The following PLD5 variants were observed in gnomAD, a reference collection of about 807,000 sequenced individuals.
PLD5 encodes the protein inactive phospholipase D5.
In PLD5, 36 loss-of-function variants were observed where a neutral mutation model predicts 61.1. The ratio of observed to expected loss-of-function variants is 0.59; its 90% CI spans 0.45 to 0.78. The LOEUF (loss-of-function observed/expected upper bound fraction) is 0.78. Ranked by LOEUF, PLD5 falls within the 30% of genes least tolerant of loss-of-function variation. The probability of loss-of-function intolerance (pLI) is 0.00; values close to 1 mark genes in which losing one functional copy is unlikely to be tolerated. For missense variants in PLD5, 515 were observed against 644.4 expected, an observed-to-expected ratio of 0.80 and a Z score of 2.17; for synonymous variants, 243 against 242.8, an observed-to-expected ratio of 1.00 and a Z score of -0.01.
At chr1:242,509,246 G>A (rs891672291) in intron 1 of PLD5, among the ~76,000 whole-genome samples, 51 of 151,674 alleles carry the variant, frequency 3.4e-4, no homozygotes, top group African/African-American at 1.2e-3. Flanking sequence ...GGGCGTGATG[G>A]CATGCACCTG....
chr1:242,204,357 T>G (rs919378795), intron 5 of PLD5, among the ~76,000 whole-genome samples: 1 of 152,178 alleles, frequency 6.6e-6, no homozygotes, highest in African/African-American at 2.4e-5. Context: ...AAGGTTTAGA[T>G]GTAGAATAAA....
chr1:242,480,800 G>C (rs995596899), intron 1 of PLD5, among the ~76,000 whole-genome samples: 7 of 152,242 alleles, frequency 4.6e-5, no homozygotes, highest in Non-Finnish European at 7.4e-5. Context: ...ACAATGAGCT[G>C]CAACTACACA....
intron 4 of PLD5, among the ~76,000 whole-genome samples, chr1:242,260,727 A>G (rs1326446688): frequency 6.6e-6 from 1 of 152,262 alleles, no homozygotes; most frequent in Admixed American, 6.5e-5. Context: ...GAACATACAT[A>G]ATGAAAATAA....
chr1:242,474,188 C>G (rs932657105), intron 1 of PLD5, among the ~76,000 whole-genome samples: 26 of 152,250 alleles, frequency 1.7e-4, no homozygotes, highest in African/African-American at 5.8e-4. Flanking sequence ...ATGGCAAAAC[C>G]GCAATTACTT....
chr1:242,248,711 C>A (rs1672530450), intron 4 of PLD5, among the ~76,000 whole-genome samples: 1 of 152,102 alleles, frequency 6.6e-6, no homozygotes, highest in South Asian at 2.1e-4. Flanking sequence ...GCATCAGCCT[C>A]TTCCTTTTAG....
intron 1 of PLD5, among the ~76,000 whole-genome samples, chr1:242,380,548 A>G (rs924711520): frequency 3.3e-5 from 5 of 152,166 alleles, no homozygotes; most frequent in African/African-American, 4.8e-5. Context: ...AAATAAACGC[A>G]CATATCATGC....
At chr1:242,339,984 C>T (rs1373631068) in intron 2 of PLD5, among the ~76,000 whole-genome samples, 1 of 152,150 alleles carries the variant, frequency 6.6e-6, no homozygotes, top group African/African-American at 2.4e-5. Context: ...CTTCTCTCTC[C>T]TCTTAGAGCT....
intron 5 of PLD5, among the ~76,000 whole-genome samples, chr1:242,176,739 A>T (rs1281385368): frequency 6.6e-6 from 1 of 152,238 alleles, no homozygotes; most frequent in African/African-American, 2.4e-5. Context: ...ATTTACAAGA[A>T]GAAAAACCAT....
chr1:242,265,492 T>G, intron 3 of PLD5, 44 bp from the exon 4 acceptor site: 1 of 1,503,234 alleles, frequency 6.7e-7, no homozygotes, highest in Non-Finnish European at 9.1e-7. Flanking sequence ...AAAACCTAAA[T>G]GTTTACCAAT....
intron 6 of PLD5, among the ~76,000 whole-genome samples, chr1:242,120,720 G>C (rs562277892): frequency 6.6e-6 from 1 of 152,236 alleles, no homozygotes; most frequent in African/African-American, 2.4e-5. Flanking sequence ...CCTTGAACTA[G>C]TCTTTTATCT....
chr1:242,283,527 T>C (rs183614841), intron 3 of PLD5, among the ~76,000 whole-genome samples: 2 of 152,336 alleles, frequency 1.3e-5, no homozygotes, highest in African/African-American at 4.8e-5. Flanking sequence ...CATTTGACTA[T>C]TGTCCCCCAA....
At chr1:242,448,065 C>T (rs1050058325) in intron 1 of PLD5, among the ~76,000 whole-genome samples, 1 of 152,084 alleles carries the variant, frequency 6.6e-6, no homozygotes, top group African/African-American at 2.4e-5. Context: ...TTTTACCCAT[C>T]CTGACTAAGG....
chr1:242,451,003 T>A (rs1666755564), intron 1 of PLD5, among the ~76,000 whole-genome samples: 1 of 152,204 alleles, frequency 6.6e-6, no homozygotes, highest in Admixed American at 6.5e-5. Flanking sequence ...CAGTTCATCA[T>A]CCCATCCTGA....
intron 1 of PLD5, among the ~76,000 whole-genome samples, chr1:242,376,354 G>A (rs78250230): frequency 0.037 from 5,606 of 152,192 alleles, 253 homozygotes; most frequent in African/African-American, 0.1. Context: ...GCCCACACTG[G>A]AGTGCAGTTG....
chr1:242,407,612 C>T (rs77735422), intron 1 of PLD5, among the ~76,000 whole-genome samples: 9,773 of 141,716 alleles, frequency 0.069, 401 homozygotes, highest in East Asian at 0.12. Flanking sequence ...CCCAGTTTTG[C>T]TCTGTCACCC....
At chr1:242,396,673 CTTTTTTT>C (rs1202041198) in intron 1 of PLD5, among the ~76,000 whole-genome samples, 3 of 129,544 alleles carry the variant, frequency 2.3e-5, no homozygotes, top group Non-Finnish European at 3.3e-5. Flanking sequence ...CTTTTCTTTT[CTTTTTTT>C]TTTTTTTTTT....
At chr1:242,437,897 G>A (rs990906703) in intron 1 of PLD5, among the ~76,000 whole-genome samples, 1 of 152,222 alleles carries the variant, frequency 6.6e-6, no homozygotes, top group African/African-American at 2.4e-5. Context: ...CCAAGTGCAT[G>A]CTGTCATCAC....
Position 242,089,048 on chromosome 1 carries a change from G to T in PLD5, c.*806C>A. The stretch of plus-strand genomic sequence containing the variant: ...GCAGGTGGCTACATAATTTTTCTGA[G>T]CTTGAGAGAAAGGATACATATTGCT... On this transcript the variant is annotated 3_prime_UTR_variant, in exon 10 of 10. Transcript: ENST00000536534. 1 of 330,524 alleles carries T rather than the reference G, an allele frequency of 3.0e-6. No homozygotes were observed. The highest frequency in any genetic ancestry group is 5.4e-6 in the Non-Finnish European group (1 of 183,900). 20.5% of individuals were successfully genotyped at this position (330,524 alleles called of 1,614,324 possible).
At chr1:242,336,955 T>C (rs1659549344) in intron 2 of PLD5, among the ~76,000 whole-genome samples, 1 of 152,234 alleles carries the variant, frequency 6.6e-6, no homozygotes. Flanking sequence ...TTTATAAAAC[T>C]CTGTAGAATA....
Sources: gnomAD v4.1 joint callset for allele counts (sites outside exome capture counted in the v4.1 genomes callset) on GRCh38, gnomAD v4.1.1 for gene constraint, MANE v1.5 for transcripts, NCBI Gene and HGNC (gene_info 2026-07-23, HGNC 2026-07-21) for gene names.